Variants in GPR176 observed in about 807,000 individuals in gnomAD.
The protein encoded by GPR176 is G-protein coupled receptor 176.
Under a neutral mutation model 35.4 loss-of-function variants are expected in GPR176, and 26 were observed. The observed-to-expected ratio is 0.74, with a 90% confidence interval of 0.54 to 1.02. The LOEUF (loss-of-function observed/expected upper bound fraction) is 1.02, where lower values mean the gene tolerates loss of function less well. GPR176 is among the 50% of genes least tolerant of loss of function. The probability of loss-of-function intolerance (pLI) is 0.00; values close to 1 mark genes in which losing one functional copy is unlikely to be tolerated. For synonymous variants in GPR176, 278 were observed against 271.3 expected (o/e 1.02, Z -0.24); for missense variants, 597 against 665.3 (o/e 0.90, Z 1.13).
chr15:39,874,426 T>C (rs538099230), intron 1 of GPR176, among the ~76,000 whole-genome samples: 17 of 152,364 alleles, frequency 1.1e-4, no homozygotes, highest in African/African-American at 4.1e-4. Context: ...TTTTTTTATA[T>C]TGACAGAGCT....
chr15:39,819,990 C>T (rs1595447433), intron 1 of GPR176, among the ~76,000 whole-genome samples: 1 of 152,250 alleles, frequency 6.6e-6, no homozygotes, highest in East Asian at 1.9e-4. Context: ...ATTTAGTAGG[C>T]AAGGCAGGAG....
At chr15:39,840,804 G>A (rs1001295773) in intron 1 of GPR176, among the ~76,000 whole-genome samples, 1 of 152,096 alleles carries the variant, frequency 6.6e-6, no homozygotes, top group African/African-American at 2.4e-5. Context: ...AATAGCCCAT[G>A]AGGAAGTTGG....
chr15:39,803,246 A>G (rs1227458708), intron 2 of GPR176, among the ~76,000 whole-genome samples: 1 of 149,910 alleles, frequency 6.7e-6, no homozygotes, highest in Non-Finnish European at 1.5e-5. Flanking sequence ...AAGTAAGCAC[A>G]TAAGCTTTCA....
intron 1 of GPR176, among the ~76,000 whole-genome samples, chr15:39,877,932 G>A (rs1026302232): frequency 8.5e-5 from 13 of 152,104 alleles, no homozygotes; most frequent in Middle Eastern, 6.8e-3. Flanking sequence ...TGACACAGCC[G>A]CATTTTCCTT....
chr15:39,856,984 A>G (rs959311359), intron 1 of GPR176, among the ~76,000 whole-genome samples: 2 of 152,132 alleles, frequency 1.3e-5, no homozygotes, highest in Non-Finnish European at 2.9e-5. Context: ...TAGGCATTCC[A>G]TATGTCTTTA....
chr15:39,855,498 G>A (rs1349108845), intron 1 of GPR176, among the ~76,000 whole-genome samples: 8 of 152,188 alleles, frequency 5.3e-5, no homozygotes, highest in Non-Finnish European at 7.3e-5. Flanking sequence ...GTACAGAGGC[G>A]TGATTTCCTC....
intron 1 of GPR176, chr15:39,807,540 A>G: frequency 5.9e-6 from 9 of 1,518,006 alleles, no homozygotes; most frequent in Non-Finnish European, 7.9e-6. Flanking sequence ...TAGTCTCATC[A>G]GTGTATAAAC....
In GPR176 at chr15:39,800,099, T is replaced by C. The variant is rs1331442566; in HGVS notation, c.*1033A>G. On this transcript the variant is annotated 3_prime_UTR_variant, in exon 3 of 3. Coordinates refer to ENST00000561100, the MANE Select transcript of GPR176 (RefSeq NM_007223.3). ...ATTCTTGCCAACCTTTTGGGCAGAG[T>C]CACCTTTCCAAATCAGGCCTTTTCA... 3.3e-5 allele frequency: 5 copies of C among 152,164 alleles called. No individual in the cohort carries two copies. Among genetic ancestry groups the C allele is most frequent in the Non-Finnish European group, 7.3e-5 (5 of 68,030 alleles). The allele number at this position is 152,164 out of a possible 1,614,324, so 9.4% of individuals were successfully genotyped here.
At chr15:39,866,291 C>A (rs1344137918) in intron 1 of GPR176, among the ~76,000 whole-genome samples, 2 of 151,944 alleles carry the variant, frequency 1.3e-5, no homozygotes, top group South Asian at 2.1e-4. Flanking sequence ...TTATCCCTCT[C>A]GATATACTTC....
intron 1 of GPR176, chr15:39,807,762 T>A (rs1318733237): frequency 1.3e-5 from 7 of 518,814 alleles, no homozygotes; most frequent in Non-Finnish European, 2.0e-5. Context: ...TATTTCAACA[T>A]GTAATGATTA....
intron 1 of GPR176, among the ~76,000 whole-genome samples, chr15:39,811,713 A>G (rs11070234): frequency 0.5 from 76,060 of 151,808 alleles, 20,406 homozygotes; most frequent in Middle Eastern, 0.69. Context: ...TCAGGAGATC[A>G]AGACCATCCT....
chr15:39,869,563 C>T (rs368370772), intron 1 of GPR176, among the ~76,000 whole-genome samples: 1 of 152,272 alleles, frequency 6.6e-6, no homozygotes, highest in East Asian at 1.9e-4. Context: ...TTGTACTTCT[C>T]CATTCCTTAT....
intron 1 of GPR176, among the ~76,000 whole-genome samples, chr15:39,864,665 C>G (rs1343842718): frequency 1.3e-5 from 2 of 151,980 alleles, no homozygotes; most frequent in Non-Finnish European, 2.9e-5. Flanking sequence ...CTCAAAAGTA[C>G]AGACAACAAA....
At chr15:39,831,994 G>GCACACACACA (rs59388406) in intron 1 of GPR176, among the ~76,000 whole-genome samples, 22 of 146,914 alleles carry the variant, frequency 1.5e-4, no homozygotes, top group African/African-American at 4.0e-4. Context: ...ACATGTGCAT[G>GCACACACACA]CACACACACA....
chr15:39,801,619 A>G lies in GPR176; in HGVS notation c.1061T>C (p.Met354Thr), dbSNP rs375395621. 1.2e-5 allele frequency: 20 copies of G among 1,613,986 alleles called. No individual in the cohort carries two copies. In the African/African-American group the frequency reaches 2.3e-4, roughly 18 times the overall value. Residue 354 changes from methionine to threonine, a missense_variant, in exon 3 of 3, where the codon ATG (methionine) becomes ACG (threonine). By Grantham distance (81) the Met-to-Thr change is moderately conservative. Transcript: ENST00000561100. ...RRNVVSTGSG[M>T]AEASLEPSIR... The stretch of plus-strand genomic sequence containing the variant: ...GCTGGGTTCCAGGCTGGCCTCAGCC[A>G]TGCCACTCCCTGTACTGACCACATT...
At chr15:39,848,139 G>C (rs1037818652) in intron 1 of GPR176, among the ~76,000 whole-genome samples, 1 of 152,050 alleles carries the variant, frequency 6.6e-6, no homozygotes, top group Non-Finnish European at 1.5e-5. Context: ...TCCAACACTG[G>C]GGATTACAAT....
At chr15:39,871,253 T>G (rs1374985987) in intron 1 of GPR176, among the ~76,000 whole-genome samples, 2 of 152,112 alleles carry the variant, frequency 1.3e-5, no homozygotes, top group African/African-American at 4.8e-5. Context: ...TTGCATCATA[T>G]CCTCAACAAG....
chr15:39,894,849 A>G (rs924637236), intron 1 of GPR176, among the ~76,000 whole-genome samples: 17 of 152,338 alleles, frequency 1.1e-4, no homozygotes, highest in Admixed American at 8.5e-4. Flanking sequence ...ATCTTTCTGC[A>G]ATCTCGGCAC....
intron 1 of GPR176, among the ~76,000 whole-genome samples, chr15:39,844,813 C>T (rs2030303648): frequency 6.6e-6 from 1 of 152,180 alleles, no homozygotes; most frequent in East Asian, 1.9e-4. Flanking sequence ...TCCTGACATC[C>T]AACCAGAAAA....
Sources: allele counts gnomAD v4.1 joint callset (sites outside exome capture counted in the v4.1 genomes callset), GRCh38; gene constraint gnomAD v4.1.1; transcripts MANE v1.5; gene names NCBI Gene and HGNC (gene_info 2026-07-23, HGNC 2026-07-21).